PRKCE: variants seen among roughly 807,000 people sequenced by gnomAD.
PRKCE encodes protein kinase C epsilon, also known as protein kinase C epsilon type.
PRKCE carries 16 observed loss-of-function variants against 85.4 expected under a neutral mutation model. The ratio of observed to expected loss-of-function variants is 0.19; its 90% CI spans 0.13 to 0.28. The LOEUF (loss-of-function observed/expected upper bound fraction) is 0.28. Among genes scored for constraint, PRKCE ranks in the 10% least tolerant of loss-of-function variants. The pLI is 1.00. For synonymous variants in PRKCE, 388 were observed against 371.5 expected (o/e 1.04, Z -0.51); for missense variants, 573 against 975.2 (o/e 0.59, Z 5.49).
At chr2:46,024,573 G>C (rs943370303) in intron 10 of PRKCE, among the ~76,000 whole-genome samples, 1 of 152,162 alleles carries the variant, frequency 6.6e-6, no homozygotes, top group Non-Finnish European at 1.5e-5. Flanking sequence ...AGGAAGCTAA[G>C]CTTATTACCT....
intron 2 of PRKCE, among the ~76,000 whole-genome samples, chr2:45,916,240 A>G (rs1266668404): frequency 7.0e-6 from 1 of 141,856 alleles, no homozygotes; most frequent in African/African-American, 2.6e-5. Flanking sequence ...GCACTGAGAA[A>G]TTTTTTTTTT....
At chr2:45,709,409 CT>C (rs1391997725) in intron 1 of PRKCE, among the ~76,000 whole-genome samples, 1 of 152,272 alleles carries the variant, frequency 6.6e-6, no homozygotes, top group Admixed American at 6.5e-5. Context: ...TATCAGCCAG[CT>C]ATTTGACCTT....
chr2:45,901,810 G>A lies in PRKCE; in HGVS notation c.412+58747G>A, dbSNP rs535743240. ...AGTTGAATTCTTGGAAGTCTGTACC[G>A]TGCTGGCCTTGGTTTGTGATGAAGC... On this transcript the variant is annotated intron_variant, in intron 2 of 14. Coordinates refer to ENST00000306156, the MANE Select transcript of PRKCE (RefSeq NM_005400.3). Among the ~76,000 whole-genome samples, 7 of 152,254 alleles carry A rather than the reference G, an allele frequency of 4.6e-5. No homozygotes were observed. The South Asian group carries it at 6.2e-4, about 14-fold the overall frequency.
chr2:46,103,498 A>G (rs2104112224), intron 11 of PRKCE, among the ~76,000 whole-genome samples: 1 of 152,362 alleles, frequency 6.6e-6, no homozygotes, highest in Admixed American at 6.5e-5. Flanking sequence ...ACACATACAC[A>G]TAACTCATGT....
At chr2:46,079,248 A>C (rs1290094086) in intron 10 of PRKCE, among the ~76,000 whole-genome samples, 1 of 152,064 alleles carries the variant, frequency 6.6e-6, no homozygotes, top group East Asian at 1.9e-4. Flanking sequence ...TCTAAGTGAT[A>C]AAGCCTGGAT....
chr2:45,976,609 C>T, intron 3 of PRKCE, 21 bp downstream of exon 3: 3 of 1,596,676 alleles, frequency 1.9e-6, no homozygotes, highest in Non-Finnish European at 2.5e-6. Context: ...CTCTTGGGAA[C>T]CTCTAATTAC....
At chr2:45,961,696 CT>C (rs11324643) in intron 2 of PRKCE, among the ~76,000 whole-genome samples, 59,784 of 148,456 alleles carry the variant, frequency 0.4, 12,729 homozygotes, top group African/African-American at 0.56. Context: ...TGCCAGGATT[CT>C]TTTTTTTTTT....
At chr2:45,677,335 T>G (rs1244253970) in intron 1 of PRKCE, among the ~76,000 whole-genome samples, 15 of 145,426 alleles carry the variant, frequency 1.0e-4, no homozygotes, top group South Asian at 6.5e-4. Context: ...TTTTTTGTTT[T>G]TTTTTTTGTT....
At chr2:46,084,720 A>C (rs1669421212) in intron 10 of PRKCE, among the ~76,000 whole-genome samples, 1 of 4,134 alleles carries the variant, frequency 2.4e-4, no homozygotes, top group South Asian at 9.1e-3. Context: ...GACTCCATCA[A>C]AAAAAAAAAA....
At chr2:45,937,778 T>C (rs1028130433) in intron 2 of PRKCE, among the ~76,000 whole-genome samples, 54 of 152,254 alleles carry the variant, frequency 3.5e-4, no homozygotes, top group African/African-American at 1.2e-3. Flanking sequence ...AAGCTGCCAT[T>C]ATCGAACGCC....
chr2:45,987,041 T>G (rs965498395), intron 6 of PRKCE, among the ~76,000 whole-genome samples: 1 of 148,212 alleles, frequency 6.7e-6, no homozygotes, highest in Non-Finnish European at 1.5e-5. Flanking sequence ...TTTTTTTTTT[T>G]GTAAATATAT....
At chr2:46,021,152 CCT>C (rs1378357188) in intron 10 of PRKCE, among the ~76,000 whole-genome samples, 1 of 152,118 alleles carries the variant, frequency 6.6e-6, no homozygotes, top group Non-Finnish European at 1.5e-5. Context: ...GGAACAGACC[CCT>C]GATTTAGCGA....
intron 10 of PRKCE, among the ~76,000 whole-genome samples, chr2:46,019,167 T>A (rs1372308169): frequency 6.6e-6 from 1 of 152,264 alleles, no homozygotes; most frequent in Non-Finnish European, 1.5e-5. Context: ...TGTCATTTCT[T>A]TATAACATTA....
In PRKCE at chr2:45,771,061, C is replaced by A. The variant is rs75441839; in HGVS notation, c.349-71939C>A. Among the ~76,000 whole-genome samples, 1,408 of 152,198 alleles carry A rather than the reference C, an allele frequency of 9.3e-3. 24 individuals are homozygous for A. Among genetic ancestry groups the A allele is most frequent in the African/African-American group, 0.032 (1,329 of 41,502 alleles). On this transcript the variant is annotated intron_variant, in intron 1 of 14. Coordinates refer to ENST00000306156, the MANE Select transcript of PRKCE (RefSeq NM_005400.3). ...TTCCTGGGTTGACTAATCAGTGGAT[C>A]CCTGAGCTCAATGATGATGAGGGTC...
intron 1 of PRKCE, among the ~76,000 whole-genome samples, chr2:45,823,880 GC>G (rs1249762498): frequency 6.6e-6 from 1 of 152,246 alleles, no homozygotes; most frequent in Non-Finnish European, 1.5e-5. Flanking sequence ...TTTCGCAGAG[GC>G]CTGCCCAGAG....
At chr2:45,712,591 T>A (rs1186875179) in intron 1 of PRKCE, among the ~76,000 whole-genome samples, 1 of 152,190 alleles carries the variant, frequency 6.6e-6, no homozygotes, top group African/African-American at 2.4e-5. Flanking sequence ...CTGGACCAAT[T>A]GGCCCTGGCT....
intron 11 of PRKCE, among the ~76,000 whole-genome samples, chr2:46,137,837 T>A (rs961090067): frequency 6.6e-6 from 1 of 152,014 alleles, no homozygotes; most frequent in East Asian, 1.9e-4. Context: ...ATCTCCAGCA[T>A]ACCAGCATAT....
chr2:45,870,928 G>A (rs953624904), intron 2 of PRKCE, among the ~76,000 whole-genome samples: 3 of 152,192 alleles, frequency 2.0e-5, no homozygotes, highest in Admixed American at 6.5e-5. Flanking sequence ...AATGGCACTC[G>A]GGGGGAATGG....
At chr2:45,902,961 T>G (rs1305263804) in intron 2 of PRKCE, among the ~76,000 whole-genome samples, 1 of 152,194 alleles carries the variant, frequency 6.6e-6, no homozygotes, top group African/African-American at 2.4e-5. Flanking sequence ...GATGGGCATA[T>G]ATAGCATACA....
Sources: gnomAD v4.1 joint callset for allele counts (sites outside exome capture counted in the v4.1 genomes callset) on GRCh38, gnomAD v4.1.1 for gene constraint, MANE v1.5 for transcripts, NCBI Gene and HGNC (gene_info 2026-07-23, HGNC 2026-07-21) for gene names.